Variants in COQ10B observed in about 807,000 individuals in gnomAD.
COQ10B encodes coenzyme Q-binding protein COQ10 homolog B, mitochondrial.
A neutral mutation model predicts 27.6 loss-of-function variants in COQ10B; 12 were observed. The observed-to-expected ratio is 0.43, with a 90% CI of 0.28 to 0.70. COQ10B has a LOEUF of 0.70. COQ10B is among the 30% of genes least tolerant of loss of function. The pLI is 0.17. For missense variants in COQ10B, 278 were observed against 288.7 expected (o/e 0.96, Z 0.27); for synonymous variants, 115 against 103.0 (o/e 1.12, Z -0.71).
chr2:197,459,750 T>G (rs79653400), intron 1 of COQ10B, among the ~76,000 whole-genome samples, 182 bp from the exon 2 acceptor site: 1 of 150,038 alleles, frequency 6.7e-6, no homozygotes. Context: ...TTATTTTTGT[T>G]TTTTTTTTTT....
Position 197,474,833 on chromosome 2 carries a change from T to G in COQ10B, c.*909T>G, listed in dbSNP as rs1297779382. The G allele has an allele frequency of 6.6e-6, 1 of 151,808 alleles. No individual in the cohort carries two copies. The highest frequency in any genetic ancestry group is 2.4e-5 in the African/African-American group (1 of 41,328). 9.4% of individuals were successfully genotyped at this position (151,808 alleles called of 1,614,324 possible). On this transcript the variant is annotated 3_prime_UTR_variant, in exon 5 of 5. Transcript: ENST00000263960. ...TATTTTCTTCTTTTTTTTTTTTTTTTTGGTGAGTGGTCCAGAGCTTTAAGC... is the reference window on the plus strand; with the variant it reads ...TATTTTCTTCTTTTTTTTTTTTTTTGTGGTGAGTGGTCCAGAGCTTTAAGC...
In COQ10B at chr2:197,462,546, A is replaced by G. The variant is rs755899746; in HGVS notation, c.262A>G (p.Met88Val). Reference sequence around the variant, plus strand: ...TATTTTTATTTTTTAAAGATATTCAATGCAGGAAATGTATGATGTAGTATC... The same window carrying G: ...TATTTTTATTTTTTAAAGATATTCAGTGCAGGAAATGTATGATGTAGTATC... Reference protein sequence around the residue: ...YSERRILGYSMQEMYDVVSGV... With the variant: ...YSERRILGYSVQEMYDVVSGV... Residue 88 changes from methionine to valine, a missense_variant, in exon 3 of 5, where the codon ATG (methionine) becomes GTG (valine). By Grantham distance (21) the Met-to-Val change is conservative. Transcript: ENST00000263960. 29 of 1,550,812 alleles carry G rather than the reference A, an allele frequency of 1.9e-5. No homozygotes were observed. The highest frequency in any genetic ancestry group is 6.0e-5 in the South Asian group (5 of 83,278).
At position 197,465,400 on chromosome 2, in the gene COQ10B, C is replaced by T. The variant is rs550738875; in HGVS notation, c.447+2669C>T. 5.3e-5 allele frequency among the ~76,000 whole-genome samples: 8 copies of T among 152,168 alleles called. No individual in the cohort carries two copies. The South Asian group carries it at 1.7e-3, about 32-fold the overall frequency. On this transcript the variant is annotated intron_variant, in intron 3 of 4. Transcript: ENST00000263960. Reference sequence around the variant, plus strand: ...TGCCTCCCGGATTCAAGTGATTCTCCTGCCTCAGCCTCCCAAGTAGCTGGG... The same window carrying T: ...TGCCTCCCGGATTCAAGTGATTCTCTTGCCTCAGCCTCCCAAGTAGCTGGG...
At chr2:197,460,969 A>G (rs1207588448) in intron 2 of COQ10B, among the ~76,000 whole-genome samples, 1 of 152,226 alleles carries the variant, frequency 6.6e-6, no homozygotes, top group Non-Finnish European at 1.5e-5. Context: ...TAAACCGGAA[A>G]TACACCATCC....
At chr2:197,462,990 T>A (rs975286408) in intron 3 of COQ10B, among the ~76,000 whole-genome samples, 1 of 152,198 alleles carries the variant, frequency 6.6e-6, no homozygotes, top group African/African-American at 2.4e-5. Context: ...ACAGGACAGA[T>A]CACTTGCGCC....
chr2:197,454,066 G>C, intron 1 of COQ10B: 2 of 1,551,184 alleles, frequency 1.3e-6, no homozygotes, highest in Non-Finnish European at 1.7e-6. Flanking sequence ...CCCCTTCTCC[G>C]GTTCCTTCTA....
chr2:197,459,226 G>A (rs1377949103), intron 1 of COQ10B, among the ~76,000 whole-genome samples: 1 of 152,176 alleles, frequency 6.6e-6, no homozygotes, highest in East Asian at 1.9e-4. Flanking sequence ...AGTGCCCGTG[G>A]TGTGTTCATA....
intron 4 of COQ10B, among the ~76,000 whole-genome samples, chr2:197,473,413 A>T (rs867380973): frequency 1.7e-3 from 102 of 58,614 alleles, no homozygotes; most frequent in African/African-American, 5.1e-3. Context: ...AAAAAAAAAA[A>T]AAATATATAT....
intron 1 of COQ10B, among the ~76,000 whole-genome samples, chr2:197,454,511 AG>A (rs1249200504): frequency 2.0e-5 from 3 of 152,150 alleles, no homozygotes; most frequent in African/African-American, 7.2e-5. Flanking sequence ...GATTCAATGA[AG>A]AATTTTTAAA....
chr2:197,473,402 CAAA>C (rs1208430482), intron 4 of COQ10B, among the ~76,000 whole-genome samples: 5 of 45,682 alleles, frequency 1.1e-4, no homozygotes, highest in South Asian at 9.2e-4. Context: ...CCCCCCCCCA[CAAA>C]AAAAAAAAAA....
intron 1 of COQ10B, among the ~76,000 whole-genome samples, chr2:197,457,403 A>G (rs1042136056): frequency 6.6e-6 from 1 of 152,202 alleles, no homozygotes; most frequent in South Asian, 2.1e-4. Context: ...TGTGATCACT[A>G]TGCATTGTAT....
intron 2 of COQ10B, among the ~76,000 whole-genome samples, chr2:197,461,716 C>T (rs1189993429): frequency 6.6e-6 from 1 of 151,842 alleles, no homozygotes; most frequent in African/African-American, 2.4e-5. Context: ...TCTTCACTCA[C>T]TGCAACCTCT....
chr2:197,459,057 G>A (rs1222928542), intron 1 of COQ10B, among the ~76,000 whole-genome samples: 1 of 152,152 alleles, frequency 6.6e-6, no homozygotes, highest in Non-Finnish European at 1.5e-5. Context: ...GTACATAGAA[G>A]TACCTCAAAC....
intron 3 of COQ10B, among the ~76,000 whole-genome samples, chr2:197,468,266 C>G (rs1283850787): frequency 6.6e-6 from 1 of 151,510 alleles, no homozygotes; most frequent in Non-Finnish European, 1.5e-5. Flanking sequence ...TGGTGAAACC[C>G]CATATCTAGT....
Position 197,456,768 on chromosome 2 carries a change from AAAAT to A in COQ10B, c.104+3111_104+3114del, listed in dbSNP as rs1305288715. Reference sequence around the variant, plus strand: ...TGATAGAGCAAGACTCCATCTCAAAAAAATAAATAAGTAAAAAATAAATTAAAAA... The same window carrying A: ...TGATAGAGCAAGACTCCATCTCAAAAAAATAAGTAAAAAATAAATTAAAAA... On this transcript the variant is annotated intron_variant, in intron 1 of 4. Transcript: ENST00000263960. 7.9e-5 allele frequency among the ~76,000 whole-genome samples: 12 copies of A among 152,128 alleles called. 1 individual carries two copies. The highest frequency in any genetic ancestry group is 2.7e-4 in the African/African-American group (11 of 41,426).
chr2:197,462,081 A>G (rs1298634509), intron 2 of COQ10B, among the ~76,000 whole-genome samples: 5 of 151,988 alleles, frequency 3.3e-5, no homozygotes, highest in Admixed American at 2.6e-4. Context: ...CGTTCTGGCT[A>G]ACACAGTGAA....
At chr2:197,453,876 C>T (rs1043337305) in intron 1 of COQ10B, 6 of 1,383,414 alleles carry the variant, frequency 4.3e-6, no homozygotes, top group South Asian at 1.3e-5. Flanking sequence ...GCTCGTTTGC[C>T]TCGTGAGAGG....
chr2:197,472,520 G>A (rs1188786177), intron 4 of COQ10B, among the ~76,000 whole-genome samples: 2 of 152,086 alleles, frequency 1.3e-5, no homozygotes, highest in Non-Finnish European at 2.9e-5. Flanking sequence ...ATTGAACCAC[G>A]TGGCCGGGCG....
At chr2:197,463,000 C>T (rs901113182) in intron 3 of COQ10B, among the ~76,000 whole-genome samples, 8 of 152,110 alleles carry the variant, frequency 5.3e-5, no homozygotes, top group Non-Finnish European at 8.8e-5. Flanking sequence ...TCACTTGCGC[C>T]ACCCAAGTGG....
Sources: allele counts gnomAD v4.1 joint callset (sites outside exome capture counted in the v4.1 genomes callset), GRCh38; gene constraint gnomAD v4.1.1; transcripts MANE v1.5; gene names NCBI Gene and HGNC (gene_info 2026-07-23, HGNC 2026-07-21).